Variants in INTS1 observed in about 807,000 individuals in gnomAD.
INTS1 encodes the protein integrator complex subunit 1.
In INTS1, 137 loss-of-function variants were observed where a neutral mutation model predicts 241.6. The observed-to-expected ratio is 0.57, with a 90% CI of 0.49 to 0.65. The LOEUF (loss-of-function observed/expected upper bound fraction) is 0.65. INTS1 is among the 30% of genes least tolerant of loss of function. The pLI is 0.00. For synonymous variants in INTS1, 1,692 were observed against 1,337.8 expected, an observed-to-expected ratio of 1.26 and a Z score of -5.78; for missense variants, 3,073 against 3,032.2, an observed-to-expected ratio of 1.01 and a Z score of -0.32.
intron 16 of INTS1, among the ~76,000 whole-genome samples, chr7:1,490,685 G>A (rs557949610): frequency 1.3e-4 from 20 of 152,304 alleles, no homozygotes; most frequent in African/African-American, 3.4e-4. Context: ...TGTCTCCCTC[G>A]AAATCCCAGT....
Position 1,503,950 on chromosome 7 carries a change from G to T in INTS1, c.11C>A (p.Ala4Asp). 6.4e-7 allele frequency: 1 copy of T among 1,567,294 alleles called. No homozygotes were observed. Among genetic ancestry groups the T allele is most frequent in the Non-Finnish European group, 8.6e-7 (1 of 1,156,850 alleles). The change falls in exon 2 of 48, where the codon GCC (alanine) becomes GAC (aspartate). Residue 4 changes from alanine to aspartate, a missense_variant. By Grantham distance (126) the Ala-to-Asp change is moderately radical. Transcript: ENST00000404767. MNR[A>D]KPTTVRRPSA... The stretch of plus-strand genomic sequence containing the variant: ...GGGCCGGCGCACCGTGGTGGGCTTG[G>T]CCCGGTTCATCCTGCCCCGTCCCTC...
At chr7:1,488,604 C>T (rs972944092) in intron 18 of INTS1, among the ~76,000 whole-genome samples, 1 of 152,142 alleles carries the variant, frequency 6.6e-6, no homozygotes, top group Admixed American at 6.5e-5. Context: ...CGGCCCCAAA[C>T]GTACCCGATC....
chr7:1,487,861 C>A lies in INTS1; in HGVS notation c.2415G>T (p.Glu805Asp). Residue 805 changes from glutamate to aspartate, a missense_variant, in exon 19 of 48, where the codon GAG (glutamate) becomes GAT (aspartate). Physicochemically the swap from Glu to Asp is conservative, Grantham distance 45. Transcript: ENST00000404767. ...CCAGGTGCCCCTCGAAGGCCAGGAT[C>A]TCCTGCTTCTCCCGCTGGGCGGTCT... ...ELQTAQREKQ[E>D]ILAFEGHLAA... The A allele has an allele frequency of 6.2e-7, 1 of 1,613,606 alleles. No homozygotes were observed. Among genetic ancestry groups the A allele is most frequent in the Non-Finnish European group, 8.5e-7 (1 of 1,179,856 alleles).
Position 1,489,612 on chromosome 7 carries a change from C to T in INTS1, c.2236G>A (p.Ala746Thr), listed in dbSNP as rs374451629. The change falls in exon 17 of 48, where the codon GCA becomes ACA. Residue 746 changes from alanine to threonine, a missense_variant. Transcript: ENST00000404767. ...KAWPLLLVVAAFNPENIGLAA... is the reference protein window; with the variant it reads ...KAWPLLLVVATFNPENIGLAA... ...TCACCGATGTTCTCTGGGTTGAATG[C>T]GGCGACGACCAGCAGGAGGGGCCAG... 68 of 1,585,930 alleles carry T rather than the reference C, an allele frequency of 4.3e-5. No homozygotes were observed. Among genetic ancestry groups the T allele is most frequent in the Non-Finnish European group, 5.2e-5 (60 of 1,164,788 alleles).
chr7:1,504,323 C>G lies in INTS1; in HGVS notation c.-42G>C, dbSNP rs764797478. 22 of 530,598 alleles carry G rather than the reference C, an allele frequency of 4.1e-5. No homozygotes were observed. In the East Asian group the frequency reaches 1.0e-3, roughly 24 times the overall value. 32.9% of individuals were successfully genotyped at this position (530,598 alleles called of 1,614,324 possible). On this transcript the variant is annotated splice_region_variant and 5_prime_UTR_variant, in exon 1 of 48. Transcript: ENST00000404767. Reference sequence around the variant, plus strand: ...AGCGCCCAGGCCGCGGCTCACTTACCTCTGGCCCATCGCGACCGGAGCGCC... The same window carrying G: ...AGCGCCCAGGCCGCGGCTCACTTACGTCTGGCCCATCGCGACCGGAGCGCC...
intron 24 of INTS1, among the ~76,000 whole-genome samples, chr7:1,484,685 G>A (rs148187236): frequency 1.3e-5 from 2 of 152,348 alleles, no homozygotes; most frequent in Admixed American, 6.5e-5. Flanking sequence ...GAAGGCTGAT[G>A]GCTCAGATTC....
Position 1,504,304 on chromosome 7 carries a change from C to G in INTS1, c.-42+19G>C. ...GCTCGCCCGGCAATGAGGAAGCGCC[C>G]AGGCCGCGGCTCACTTACCTCTGGC... On this transcript the variant is annotated intron_variant, in intron 1 of 47. Transcript: ENST00000404767. The G allele has an allele frequency of 1.9e-6, 1 of 538,286 alleles. No individual in the cohort carries two copies. The highest frequency in any genetic ancestry group is 1.6e-5 in the South Asian group (1 of 63,184). The allele number at this position is 538,286 out of a possible 1,614,324, so 33.3% of individuals were successfully genotyped here. A position where few individuals can be genotyped will look rare whatever the true frequency, so the allele number is the denominator to read the frequency against.
Position 1,487,012 on chromosome 7 carries a change from C to T in INTS1, c.2736G>A (p.Glu912=). Residue 912 remains glutamate, a synonymous_variant, in exon 21 of 48, where the codon GAG becomes GAA. Transcript: ENST00000404767. The stretch of plus-strand genomic sequence containing the variant: ...CGTCCACAGCATCGTGCAGCAGGAA[C>T]TCGCACAGACACTGCACGGGCAGCA... ...LDVLPVQCLC[E]FLLHDAVDDA... 1.2e-6 allele frequency: 2 copies of T among 1,604,632 alleles called. No individual in the cohort carries two copies. Among genetic ancestry groups the T allele is most frequent in the Non-Finnish European group, 1.7e-6 (2 of 1,177,956 alleles).
chr7:1,470,807 G>A lies in INTS1; in HGVS notation c.6457+39C>T, dbSNP rs768150928. ...CGGGGGACGCACCTCCGGCCTCCCC[G>A]AGGGCTGCCAGGGCCCTGGGCGGGG... On this transcript the variant is annotated intron_variant, in intron 47 of 47. Coordinates refer to ENST00000404767, the MANE Select transcript of INTS1 (RefSeq NM_001080453.3). The A allele has an allele frequency of 9.9e-6, 15 of 1,521,928 alleles. No homozygotes were observed. In the Middle Eastern group the frequency reaches 5.1e-4, roughly 52 times the overall value. 94.3% of individuals were successfully genotyped at this position (1,521,928 alleles called of 1,614,324 possible).
rs1225616483 is a variant in INTS1, at chr7:1,503,008, G to A, written c.242C>T (p.Ser81Phe). 2.5e-6 allele frequency: 4 copies of A among 1,613,834 alleles called. No homozygotes were observed. Among genetic ancestry groups the A allele is most frequent in the South Asian group, 1.1e-5 (1 of 91,080 alleles). ...CAGGGCACTCAGAGGGGGTGTGGAG[G>A]AGAGTTTGGGGCGTTTGGTGAGACC... ...LTGLTKRPKL[S>F]STPPLSALGR... The change falls in exon 3 of 48, where the codon TCC becomes TTC. Residue 81 changes from serine (S) to phenylalanine (F), a missense_variant. Physicochemically the swap from Ser to Phe is radical, Grantham distance 155. Transcript: ENST00000404767.
rs766485692 is a variant in INTS1, at chr7:1,496,275, A to G, written c.1603-11T>C. ...CACCACGAAGCGCTCCTGCAGGTGC[A>G]GCACGGGGTCTGTATCCAGAAGGGA... On this transcript the variant is annotated splice_polypyrimidine_tract_variant and intron_variant, in intron 11 of 47. Coordinates refer to ENST00000404767, the MANE Select transcript of INTS1 (RefSeq NM_001080453.3). 1.2e-5 allele frequency: 19 copies of G among 1,612,098 alleles called. 1 individual carries two copies. The Admixed American group carries it at 2.0e-4, about 17-fold the overall frequency.
At position 1,489,641 on chromosome 7, in the gene INTS1, T is replaced by C. The variant is rs1263710462; in HGVS notation, c.2207A>G (p.Lys736Arg). Residue 736 changes from lysine to arginine, a missense_variant, in exon 17 of 48, where the codon AAG (lysine) becomes AGG (arginine). Transcript: ENST00000404767. ...PNLAISTLYW[K>R]AWPLLLVVAA... Reference sequence around the variant, plus strand: ...GACGACCAGCAGGAGGGGCCAGGCCTTCCAGTAGAGGGTAGAGATGGCGAG... The same window carrying C: ...GACGACCAGCAGGAGGGGCCAGGCCCTCCAGTAGAGGGTAGAGATGGCGAG... 23 of 1,589,302 alleles carry C rather than the reference T, an allele frequency of 1.4e-5. No homozygotes were observed. The highest frequency in any genetic ancestry group is 1.7e-5 in the Non-Finnish European group (20 of 1,167,154).
Position 1,470,886 on chromosome 7 carries a change from C to A in INTS1, c.6417G>T (p.Thr2139=). The A allele has an allele frequency of 6.3e-7, 1 of 1,594,548 alleles. No individual in the cohort carries two copies. The highest frequency in any genetic ancestry group is 1.3e-5 in the African/African-American group (1 of 74,514). ...CGTACTCAGGCAGGTTCCGGAGGGCCGTCTGCACCACCTCAAAGTCCTGGC... is the reference window on the plus strand; with the variant it reads ...CGTACTCAGGCAGGTTCCGGAGGGCAGTCTGCACCACCTCAAAGTCCTGGC... ...LGSQDFEVVQ[T]ALRNLPEYAL... is the part of the protein sequence containing the mutation. The change falls in exon 47 of 48, where the codon ACG becomes ACT. Residue 2139 remains threonine (T), a synonymous_variant. Coordinates refer to ENST00000404767, the MANE Select transcript of INTS1 (RefSeq NM_001080453.3).
rs374357987 is a variant in INTS1 at position 1,481,370 on chromosome 7, C to A, written c.3822G>T (p.Gln1274His). 66 of 1,612,674 alleles carry A rather than the reference C, an allele frequency of 4.1e-5. No homozygotes were observed. In the South Asian group the frequency reaches 7.1e-4, roughly 17 times the overall value. Residue 1274 changes from glutamine to histidine, a missense_variant, in exon 28 of 48, where the codon CAG becomes CAT. Coordinates refer to ENST00000404767, the MANE Select transcript of INTS1 (RefSeq NM_001080453.3). This position sits in a 1 kb window ranked among gnomAD's most constrained non-coding sequence, Gnocchi z 6.8. Reference protein sequence around the residue: ...FLDQAVAHDPQTLEQNIMDKN... With the variant: ...FLDQAVAHDPHTLEQNIMDKN... ...TGTCCATGATGTTCTGCTCCAGAGT[C>A]TGGGGGTCGTGGGCCACTGCCTGGT...
chr7:1,498,943 G>GGCCCCC, intron 8 of INTS1, 32 bp downstream of exon 8: 1 of 1,070,742 alleles, frequency 9.3e-7, no homozygotes, highest in Non-Finnish European at 1.3e-6. Context: ...CCCACCCCCT[G>GGCCCCC]CCCCGCCCAC....
In INTS1 at chr7:1,470,926, A is replaced by C; in HGVS notation, c.6377T>G (p.Met2126Arg). 1.3e-6 allele frequency: 2 copies of C among 1,580,284 alleles called. No homozygotes were observed. Among genetic ancestry groups the C allele is most frequent in the Non-Finnish European group, 1.7e-6 (2 of 1,164,138 alleles). Residue 2126 changes from methionine (M) to arginine (R), a missense_variant, in exon 47 of 48, where the codon ATG becomes AGG. Transcript: ENST00000404767. ...SIAAAFLPTF[M>R]YCLGSQDFEV... Reference sequence around the variant, plus strand: ...AAAGTCCTGGCTGCCCAGGCAGTACATGAACGTGGGCAGGAAAGCGGCTGC... The same window carrying C: ...AAAGTCCTGGCTGCCCAGGCAGTACCTGAACGTGGGCAGGAAAGCGGCTGC...
At position 1,486,655 on chromosome 7, in the gene INTS1, G is replaced by A. The variant is rs9655532; in HGVS notation, c.2946C>T (p.Ser982=). 2.1e-3 allele frequency: 3,381 copies of A among 1,612,104 alleles called. 79 individuals are homozygous for A. In the African/African-American group the frequency reaches 0.04, roughly 19 times the overall value. Residue 982 remains serine (S), a synonymous_variant, in exon 22 of 48, where the codon TCC becomes TCT. Transcript: ENST00000404767. The part of the protein sequence containing the change: ...LDYFLRRLGS[S]QVASRVLAMK... Reference sequence around the variant, plus strand: ...TGGCCAGCACGCGGGAGGCCACCTGGGAGGAGCCGAGGCGCCGCAAGAAGT... The same window carrying A: ...TGGCCAGCACGCGGGAGGCCACCTGAGAGGAGCCGAGGCGCCGCAAGAAGT...
chr7:1,486,971 TC>T lies in INTS1; in HGVS notation c.2776del (p.Glu926ArgfsTer66). On this transcript the variant is annotated frameshift_variant, in exon 21 of 48. Transcript: ENST00000404767. LOFTEE classifies it high-confidence loss of function. ...HDAVDDAASG[E>X]EDDEGESKEQ... ...CTTGCTCTCGCCCTCGTCGTCCTCC[TC>T]CCCGGAAGCAGCATCGTCCACAGCA... The T allele has an allele frequency of 1.2e-6, 2 of 1,608,032 alleles. No homozygotes were observed. Among genetic ancestry groups the T allele is most frequent in the Non-Finnish European group, 1.7e-6 (2 of 1,179,280 alleles).
At chr7:1,474,143 G>A (rs191176828) in intron 41 of INTS1, 25 bp downstream of exon 41, 19 of 1,540,272 alleles carry the variant, frequency 1.2e-5, no homozygotes, top group African/African-American at 1.4e-5. Flanking sequence ...AAGGGAGCGC[G>A]AGGGCGGGCG....
Sources: gnomAD v4.1 joint callset for allele counts (sites outside exome capture counted in the v4.1 genomes callset) on GRCh38, gnomAD v4.1.1 for gene constraint, Gnocchi (gnomAD v3.1) non-coding constraint, MANE v1.5 for transcripts, NCBI Gene and HGNC (gene_info 2026-07-23, HGNC 2026-07-21) for gene names.